Variants in DNAH3 observed in about 807,000 individuals in gnomAD.
DNAH3 encodes axonemal beta dynein heavy chain 3.
In DNAH3, 332 loss-of-function variants were observed where a neutral mutation model predicts 432.5. The ratio of observed to expected loss-of-function variants is 0.77; its 90% confidence interval spans 0.70 to 0.84. DNAH3 has a LOEUF of 0.84. Ranked by LOEUF, DNAH3 falls within the 40% of genes least tolerant of loss-of-function variation. The pLI is 0.00. For synonymous variants in DNAH3, 1,956 were observed against 1,900.2 expected (o/e 1.03, Z -0.76); for missense variants, 4,861 against 5,114.0 (o/e 0.95, Z 1.51).
chr16:20,994,681 T>C (rs1482986017), intron 44 of DNAH3, among the ~76,000 whole-genome samples: 1 of 152,132 alleles, frequency 6.6e-6, no homozygotes, highest in African/African-American at 2.4e-5. Flanking sequence ...CAACCACTTA[T>C]TCTACTTTTT....
At chr16:21,105,128 A>C (rs749785131) in intron 15 of DNAH3, among the ~76,000 whole-genome samples, 1 of 152,278 alleles carries the variant, frequency 6.6e-6, no homozygotes, top group Non-Finnish European at 1.5e-5. Context: ...GGCAGAGCCC[A>C]CAGTGAGAGT....
rs1404880960 is a variant in DNAH3 at position 21,100,947 on chromosome 16, C to A, written c.2367-2178G>T. Among the ~76,000 whole-genome samples, 18 of 152,142 alleles carry A rather than the reference C, an allele frequency of 1.2e-4. 1 individual carries two copies. Among genetic ancestry groups the A allele is most frequent in the Admixed American group, 1.2e-3 (18 of 15,268 alleles). Reference sequence around the variant, plus strand: ...TTACTATTATTATTGTTTCTAATTTCTTATAATTGCTAAGTACATTATAGT... The same window carrying A: ...TTACTATTATTATTGTTTCTAATTTATTATAATTGCTAAGTACATTATAGT... On this transcript the variant is annotated intron_variant, in intron 16 of 61. Transcript: ENST00000261383.
intron 29 of DNAH3, 135 bp from the exon 30 acceptor site, chr16:21,050,153 T>C (rs1450205198): frequency 4.5e-6 from 3 of 660,770 alleles, no homozygotes; most frequent in African/African-American, 1.8e-5. Flanking sequence ...TTGAAAGTAA[T>C]GCTAAAAGCC....
intron 41 of DNAH3, among the ~76,000 whole-genome samples, chr16:21,009,924 A>AGGGGG (rs2087504556): frequency 3.1e-5 from 1 of 32,168 alleles, no homozygotes; most frequent in Non-Finnish European, 5.8e-5. Context: ...AGGGGAGGGG[A>AGGGGG]GGGGAGGGGA....
chr16:21,037,459 G>A (rs1186333401), intron 34 of DNAH3, among the ~76,000 whole-genome samples: 3 of 152,176 alleles, frequency 2.0e-5, no homozygotes, highest in Non-Finnish European at 4.4e-5. Flanking sequence ...GAAGCTCAGA[G>A]CCTGGCAAGT....
chr16:21,143,245 AT>A (rs1296266435), intron 3 of DNAH3, among the ~76,000 whole-genome samples: 13 of 152,210 alleles, frequency 8.5e-5, no homozygotes, highest in Non-Finnish European at 1.5e-5. Context: ...CAAAATTAGT[AT>A]GTTGAACCTT....
chr16:21,033,866 G>A (rs185149211), intron 36 of DNAH3, 108 bp downstream of exon 36: 19 of 684,814 alleles, frequency 2.8e-5, no homozygotes, highest in East Asian at 1.3e-4. Context: ...TAGCTCTGAC[G>A]TCACGATCGA....
exon 34 of DNAH3, chr16:21,037,805 C>T: frequency 1.2e-6 from 2 of 1,614,198 alleles, no homozygotes; most frequent in South Asian, 1.1e-5. Flanking sequence ...GCCAGATTGA[C>T]ATCAAGCAAT....
chr16:20,980,261 T>TATATTATAATATACATCAC (rs2085818104), intron 49 of DNAH3, among the ~76,000 whole-genome samples: 1 of 83,402 alleles, frequency 1.2e-5, no homozygotes, highest in Non-Finnish European at 2.9e-5. Flanking sequence ...CATCATATAT[T>TATATTATAATATACATCAC]ATATTATAAT....
At chr16:20,965,478 T>A in intron 52 of DNAH3, 53 bp from the exon 53 acceptor site, 1 of 1,427,430 alleles carries the variant, frequency 7.0e-7, no homozygotes, top group Non-Finnish European at 9.3e-7. Context: ...GGCCAAGACT[T>A]AAAATTCTGC....
At chr16:21,123,520 C>T (rs1375636678) in intron 9 of DNAH3, among the ~76,000 whole-genome samples, 1 of 152,168 alleles carries the variant, frequency 6.6e-6, no homozygotes, top group Non-Finnish European at 1.5e-5. Flanking sequence ...ATCACAATGA[C>T]ATTTATAGAT....
chr16:21,060,514 CTTTTT>C (rs369321873), intron 25 of DNAH3, among the ~76,000 whole-genome samples, 158 bp from the exon 26 acceptor site: 3,179 of 127,302 alleles, frequency 0.025, 152 homozygotes, highest in African/African-American at 0.085. Context: ...TTCTTTTTTT[CTTTTT>C]TTTTTTCTTT....
intron 5 of DNAH3, among the ~76,000 whole-genome samples, chr16:21,138,345 G>A (rs1182589300): frequency 6.6e-6 from 1 of 152,176 alleles, no homozygotes; most frequent in African/African-American, 2.4e-5. Flanking sequence ...TAACAGGGGA[G>A]TATTGCAAAG....
intron 18 of DNAH3, among the ~76,000 whole-genome samples, chr16:21,091,031 T>C (rs993447239): frequency 6.6e-6 from 1 of 152,016 alleles, no homozygotes; most frequent in Non-Finnish European, 1.5e-5. Flanking sequence ...TGTGCATCTG[T>C]AGTCCCAGCT....
chr16:20,970,677 C>A (rs1012554119), intron 51 of DNAH3, among the ~76,000 whole-genome samples: 1 of 152,030 alleles, frequency 6.6e-6, no homozygotes, highest in African/African-American at 2.4e-5. Context: ...TGCAGTGTGA[C>A]GAAATGTAAT....
chr16:21,081,913 A>T (rs1374789945), intron 19 of DNAH3, among the ~76,000 whole-genome samples, 186 bp from the exon 20 acceptor site: 2 of 152,144 alleles, frequency 1.3e-5, no homozygotes, highest in African/African-American at 4.8e-5. Flanking sequence ...AAATTAAATT[A>T]AAAAAATTTT....
chr16:21,084,614 A>G (rs1339013538), intron 19 of DNAH3, among the ~76,000 whole-genome samples: 1 of 152,036 alleles, frequency 6.6e-6, no homozygotes, highest in East Asian at 1.9e-4. Context: ...GAGCCACGGC[A>G]CCTGACTGGG....
intron 2 of DNAH3, 120 bp downstream of exon 3, chr16:21,145,864 A>G: frequency 1.5e-6 from 1 of 684,710 alleles, no homozygotes; most frequent in South Asian, 1.7e-5. Context: ...TACTAATCCT[A>G]CTTGTCAGGT....
chr16:21,048,373 T>G (rs1454961309), intron 31 of DNAH3, among the ~76,000 whole-genome samples: 1 of 152,196 alleles, frequency 6.6e-6, no homozygotes, highest in East Asian at 1.9e-4. Flanking sequence ...GGATATAATC[T>G]CGTGGTGCCC....
Sources: gnomAD v4.1 joint callset for allele counts (sites outside exome capture counted in the v4.1 genomes callset) on GRCh38, gnomAD v4.1.1 for gene constraint, MANE v1.5 for transcripts, NCBI Gene and HGNC (gene_info 2026-07-23, HGNC 2026-07-21) for gene names.